The following MALRD1 variants were observed in gnomAD, a reference collection of about 807,000 sequenced individuals.
MALRD1 encodes MAM and LDL-receptor class A domain-containing protein 1.
Under a neutral mutation model 242.1 loss-of-function variants are expected in MALRD1, and 247 were observed. The ratio of observed to expected loss-of-function variants is 1.02; its 90% confidence interval spans 0.92 to 1.13. The LOEUF (loss-of-function observed/expected upper bound fraction) is 1.13. Ranked by LOEUF, MALRD1 falls within the 50% of genes most tolerant of loss-of-function variation. The pLI, the probability that MALRD1 is intolerant of heterozygous loss-of-function variation, is 0.00. For synonymous variants in MALRD1, 995 were observed against 866.6 expected, an observed-to-expected ratio of 1.15 and a Z score of -2.60; for missense variants, 2,989 against 2,533.1, an observed-to-expected ratio of 1.18 and a Z score of -3.86.
At chr10:19,504,776 G>A (rs371822219) in intron 31 of MALRD1, among the ~76,000 whole-genome samples, 3 of 141,486 alleles carry the variant, frequency 2.1e-5, no homozygotes, top group African/African-American at 5.3e-5. Flanking sequence ...TCCGCTTCCC[G>A]GGTTCACGCC....
rs947600759 is a variant in MALRD1 at position 19,048,944 on chromosome 10, C to G, written c.6C>G (p.Leu2=). 6 of 1,233,736 alleles carry G rather than the reference C, an allele frequency of 4.9e-6. No homozygotes were observed. The African/African-American group carries it at 9.3e-5, about 19-fold the overall frequency. 76.4% of individuals were successfully genotyped at this position (1,233,736 alleles called of 1,614,324 possible). A position where few individuals can be genotyped will look rare whatever the true frequency, so the allele number is the denominator to read the frequency against. The part of the protein sequence containing the change: M[L]FFLDRMLAFP... Reference sequence around the variant, plus strand: ...CTAATAGACAATACCAAGTAATGCTCTTCTTCCTGGACAGAATGTTGGCAT... The same window carrying G: ...CTAATAGACAATACCAAGTAATGCTGTTCTTCCTGGACAGAATGTTGGCAT... The change falls in exon 1 of 40, where the codon CTC becomes CTG. Residue 2 remains leucine (L), a synonymous_variant. Coordinates refer to ENST00000454679, the MANE Select transcript of MALRD1 (RefSeq NM_001142308.3).
chr10:19,194,716 A>G (rs1836153722), intron 14 of MALRD1, among the ~76,000 whole-genome samples: 1 of 152,000 alleles, frequency 6.6e-6, no homozygotes, highest in South Asian at 2.1e-4. Flanking sequence ...TTTCCACCTC[A>G]TTTCTCAGTT....
chr10:19,122,599 G>C (rs575654480), intron 5 of MALRD1, among the ~76,000 whole-genome samples: 1 of 152,230 alleles, frequency 6.6e-6, no homozygotes, highest in South Asian at 2.1e-4. Flanking sequence ...TTTGACATGA[G>C]AGTCAAAGCT....
chr10:19,206,585 A>G (rs1439566260), intron 17 of MALRD1, among the ~76,000 whole-genome samples: 1 of 152,200 alleles, frequency 6.6e-6, no homozygotes, highest in Admixed American at 6.5e-5. Context: ...CAACTATAGT[A>G]TCAAAATACT....
intron 36 of MALRD1, among the ~76,000 whole-genome samples, chr10:19,647,524 G>A (rs1208766822): frequency 6.7e-6 from 1 of 150,344 alleles, no homozygotes; most frequent in Non-Finnish European, 1.5e-5. Context: ...GTGGAAAGTG[G>A]AACATACTTG....
At chr10:19,173,250 AT>A (rs1029674029) in intron 13 of MALRD1, among the ~76,000 whole-genome samples, 1 of 151,736 alleles carries the variant, frequency 6.6e-6, no homozygotes, top group Non-Finnish European at 1.5e-5. Context: ...TCTGTAACTT[AT>A]TTTTTTTACT....
intron 38 of MALRD1, among the ~76,000 whole-genome samples, chr10:19,729,222 A>AAATC: frequency 6.6e-6 from 1 of 152,344 alleles, no homozygotes; most frequent in Non-Finnish European, 1.5e-5. Context: ...GTTTCTTTGA[A>AAATC]AAGGACCATG....
intron 29 of MALRD1, among the ~76,000 whole-genome samples, chr10:19,459,872 A>G (rs1235815050): frequency 2.6e-5 from 4 of 151,742 alleles, no homozygotes; most frequent in Admixed American, 2.6e-4. Flanking sequence ...TATTAAGAAA[A>G]AATAATTATT....
intron 29 of MALRD1, among the ~76,000 whole-genome samples, chr10:19,467,228 G>T (rs945596791): frequency 2.1e-5 from 1 of 48,642 alleles, no homozygotes; most frequent in Non-Finnish European, 4.4e-5. Context: ...GGTGGTGGGC[G>T]CCTGTAGTCT....
At chr10:19,393,785 G>A (rs1312218973) in intron 28 of MALRD1, among the ~76,000 whole-genome samples, 1 of 150,146 alleles carries the variant, frequency 6.7e-6, no homozygotes, top group Non-Finnish European at 1.5e-5. Flanking sequence ...TGAGTAATAT[G>A]TATACATGAA....
At chr10:19,550,717 T>C (rs908532762) in intron 32 of MALRD1, among the ~76,000 whole-genome samples, 1 of 152,196 alleles carries the variant, frequency 6.6e-6, no homozygotes, top group African/African-American at 2.4e-5. Context: ...GGTGTGTATG[T>C]ACCACATTTT....
intron 18 of MALRD1, among the ~76,000 whole-genome samples, chr10:19,221,063 G>A (rs1458670197): frequency 6.6e-6 from 1 of 151,648 alleles, no homozygotes; most frequent in East Asian, 2.0e-4. Flanking sequence ...TAATAATGAA[G>A]GAAAAGATAT....
intron 18 of MALRD1, among the ~76,000 whole-genome samples, chr10:19,225,851 T>G (rs540924606): frequency 2.0e-5 from 3 of 152,344 alleles, no homozygotes; most frequent in Admixed American, 2.0e-4. Context: ...TTCTATCCTC[T>G]GGCTTTCTGA....
rs34481531 is a variant in MALRD1 at position 19,320,041 on chromosome 10, CTTT to C, written c.3420-3888_3420-3886del. 8.8e-3 allele frequency among the ~76,000 whole-genome samples: 643 copies of C among 73,096 alleles called. 5 individuals carry two copies. Among genetic ancestry groups the C allele is most frequent in the African/African-American group, 0.012 (213 of 17,600 alleles). The allele number at this position is 73,096 out of a possible 152,430, so 48.0% of individuals were successfully genotyped here. A position where few individuals can be genotyped will look rare whatever the true frequency, so the allele number is the denominator to read the frequency against. ...TGCTAACCTGAGTTTTATAAAACTGCTTTTTTTTTTTTTTTTTTTTTTCAAATT... is the reference window on the plus strand; with the variant it reads ...TGCTAACCTGAGTTTTATAAAACTGCTTTTTTTTTTTTTTTTTTTCAAATT... On this transcript the variant is annotated intron_variant, in intron 21 of 39. Coordinates refer to ENST00000454679, the MANE Select transcript of MALRD1 (RefSeq NM_001142308.3).
rs1220427051 is a variant in MALRD1, at chr10:19,283,054, T to G, written c.3292T>G (p.Cys1098Gly). 4.5e-6 allele frequency: 7 copies of G among 1,549,270 alleles called. No homozygotes were observed. Among genetic ancestry groups the G allele is most frequent in the African/African-American group, 1.4e-5 (1 of 72,986 alleles). ...TTGCAGCTTTGAGAAAAGAAGCCTG[T>G]GTAAATGGTATCAACCAATCCCAGT... ...EVCSFEKRSL[C>G]KWYQPIPVHL... The change falls in exon 21 of 40, where the codon TGT becomes GGT. Residue 1098 changes from cysteine to glycine, a missense_variant. Coordinates refer to ENST00000454679, the MANE Select transcript of MALRD1 (RefSeq NM_001142308.3).
intron 4 of MALRD1, among the ~76,000 whole-genome samples, chr10:19,097,745 C>G (rs1025180385): frequency 2.0e-5 from 3 of 152,124 alleles, no homozygotes; most frequent in Admixed American, 2.0e-4. Flanking sequence ...ACTAAACAGA[C>G]CTGGACTTGG....
Position 19,348,037 on chromosome 10 carries a change from C to A in MALRD1, c.4149+19C>A. 11 of 1,544,536 alleles carry A rather than the reference C, an allele frequency of 7.1e-6. No individual in the cohort carries two copies. Among genetic ancestry groups the A allele is most frequent in the Non-Finnish European group, 9.6e-6 (11 of 1,143,704 alleles). On this transcript the variant is annotated intron_variant, in intron 25 of 39. Transcript: ENST00000454679. ...CTGCAAGGTATGGGGAAAATCGAAC[C>A]AACCAACCAAACAAACACAGAATTA... is the stretch of plus-strand genomic sequence containing the variant.
intron 18 of MALRD1, among the ~76,000 whole-genome samples, chr10:19,220,833 C>A (rs779166447): frequency 3.9e-5 from 6 of 152,152 alleles, no homozygotes; most frequent in Non-Finnish European, 7.3e-5. Context: ...CCAGCTTATT[C>A]CAACTTGTGA....
At chr10:19,393,029 A>G (rs556205845) in intron 28 of MALRD1, among the ~76,000 whole-genome samples, 37 of 152,304 alleles carry the variant, frequency 2.4e-4, no homozygotes, top group African/African-American at 8.9e-4. Flanking sequence ...ACTCAAGGTC[A>G]CCAGTAAGTG....
Sources: gnomAD v4.1 joint callset for allele counts (sites outside exome capture counted in the v4.1 genomes callset) on GRCh38, gnomAD v4.1.1 for gene constraint, MANE v1.5 for transcripts, NCBI Gene and HGNC (gene_info 2026-07-23, HGNC 2026-07-21) for gene names.